Variants in DUSP8 observed in about 807,000 individuals in gnomAD.
DUSP8 encodes dual specificity phosphatase 8, also known as dual specificity protein phosphatase 8.
In DUSP8, 15 loss-of-function variants were observed where a neutral mutation model predicts 38.7. That is an observed-to-expected ratio of 0.39 (90% CI 0.26 to 0.60). The LOEUF (loss-of-function observed/expected upper bound fraction) is 0.60, where lower values mean the gene tolerates loss of function less well. DUSP8 is among the 20% of genes least tolerant of loss of function. The pLI is 0.56. For synonymous variants in DUSP8, 458 were observed against 433.9 expected (o/e 1.06, Z -0.69); for missense variants, 768 against 915.0 (o/e 0.84, Z 2.07).
Position 1,558,258 on chromosome 11 carries a change from T to C in DUSP8, c.551A>G (p.Gln184Arg). 8.1e-7 allele frequency: 1 copy of C among 1,235,758 alleles called. No homozygotes were observed. Among genetic ancestry groups the C allele is most frequent in the East Asian group, 5.0e-5 (1 of 20,120 alleles). 76.5% of individuals were successfully genotyped at this position (1,235,758 alleles called of 1,614,324 possible). A position where few individuals can be genotyped will look rare whatever the true frequency, so the allele number is the denominator to read the frequency against. ...GTTGAGGACGTAGCTTATTCCATTT[T>C]GCGTCATCAGATCCTGGAGGGGCGG... ...KDVLNKDLMT[Q>R]NGISYVLNAS... Residue 184 changes from glutamine to arginine, a missense_variant, in exon 5 of 7, where the codon CAA becomes CGA. By Grantham distance (43) the Gln-to-Arg change is conservative (BLOSUM62 1). Transcript: ENST00000397374. This position sits in a 1 kb window ranked among gnomAD's most constrained non-coding sequence, Gnocchi z 6.3.
Position 1,555,038 on chromosome 11 carries a change from C to T in DUSP8, c.*1480G>A, listed in dbSNP as rs1436552960. ...GATGGGCGCCTCCCTGGCCCTGCTC[C>T]AGGACTCAGGACTGGGTCCTGCCCT... is the stretch of plus-strand genomic sequence containing the variant. On this transcript the variant is annotated 3_prime_UTR_variant, in exon 7 of 7. Transcript: ENST00000397374. The T allele has an allele frequency of 2.0e-6, 2 of 986,126 alleles. No individual in the cohort carries two copies. The highest frequency in any genetic ancestry group is 1.1e-4 in the East Asian group (1 of 8,792). The allele number at this position is 986,126 out of a possible 1,614,324, so 61.1% of individuals were successfully genotyped here.
intron 3 of DUSP8, among the ~76,000 whole-genome samples, chr11:1,563,004 G>A (rs1280904626): frequency 6.6e-6 from 1 of 152,168 alleles, no homozygotes; most frequent in Non-Finnish European, 1.5e-5. Context: ...CAGGCTGGGT[G>A]AAGGTCCCTG....
chr11:1,560,367 C>T (rs1205216778), intron 3 of DUSP8, among the ~76,000 whole-genome samples: 1 of 152,144 alleles, frequency 6.6e-6, no homozygotes, highest in African/African-American at 2.4e-5. Flanking sequence ...CCTAGGGCTC[C>T]TCCTCTCTCC....
intron 1 of DUSP8, among the ~76,000 whole-genome samples, chr11:1,570,840 G>C (rs1185856149): frequency 6.6e-6 from 1 of 152,138 alleles, no homozygotes; most frequent in African/African-American, 2.4e-5. Context: ...CTCTGGGTGG[G>C]CTGTGCCAGA....
intron 1 of DUSP8, 141 bp downstream of exon 1, chr11:1,571,760 T>A (rs1848902399): frequency 1.3e-5 from 2 of 150,588 alleles, no homozygotes; most frequent in Admixed American, 1.3e-4. Context: ...GGCCGCTCAT[T>A]CCGGGGCCGC....
chr11:1,554,703 G>T lies in DUSP8; in HGVS notation c.*1815C>A. ...TGTCTCCCGGACAGCACAGGGGTGGGGGGCGAGAAGCGGGAAGCCAGTGCA... is the reference window on the plus strand; with the variant it reads ...TGTCTCCCGGACAGCACAGGGGTGGTGGGCGAGAAGCGGGAAGCCAGTGCA... On this transcript the variant is annotated 3_prime_UTR_variant, in exon 7 of 7. Coordinates refer to ENST00000397374, the MANE Select transcript of DUSP8 (RefSeq NM_004420.3). 1 of 821,380 alleles carries T rather than the reference G, an allele frequency of 1.2e-6. No individual in the cohort carries two copies. Among genetic ancestry groups the T allele is most frequent in the Non-Finnish European group, 1.5e-6 (1 of 678,092 alleles). The allele number at this position is 821,380 out of a possible 1,614,324, so 50.9% of individuals were successfully genotyped here.
At position 1,572,180 on chromosome 11, in the gene DUSP8, TCGGGC is replaced by T. The variant is rs1848914262; in HGVS notation, c.-393_-389del. ...CGCGGCCGGGAGGTTCCGGCGCGGC[TCGGGC>T]TCGGGCTCGGGCTCGGGCTCGGGCG... On this transcript the variant is annotated 5_prime_UTR_variant, in exon 1 of 7. Coordinates refer to ENST00000397374, the MANE Select transcript of DUSP8 (RefSeq NM_004420.3). The surrounding 1 kb of genome is among the most constrained non-coding windows in gnomAD (Gnocchi z 4.7). 7.1e-6 allele frequency among the ~76,000 whole-genome samples: 1 copy of T among 141,484 alleles called. No individual in the cohort carries two copies. Among genetic ancestry groups the T allele is most frequent in the Admixed American group, 7.0e-5 (1 of 14,312 alleles). The allele number at this position is 141,484 out of a possible 152,430, so 92.8% of individuals were successfully genotyped here. A position where few individuals can be genotyped will look rare whatever the true frequency, so the allele number is the denominator to read the frequency against.
chr11:1,556,911 C>T lies in DUSP8; in HGVS notation c.1485G>A (p.Gly495=). 2.8e-6 allele frequency: 3 copies of T among 1,083,236 alleles called. No individual in the cohort carries two copies. The highest frequency in any genetic ancestry group is 7.7e-5 in the South Asian group (2 of 25,934). The allele number at this position is 1,083,236 out of a possible 1,614,324, so 67.1% of individuals were successfully genotyped here. A position where few individuals can be genotyped will look rare whatever the true frequency, so the allele number is the denominator to read the frequency against. Residue 495 remains glycine, a synonymous_variant, in exon 7 of 7, where the codon GGG becomes GGA. Transcript: ENST00000397374. This position sits in a 1 kb window ranked among gnomAD's most constrained non-coding sequence, Gnocchi z 5.2. ...CGGCCGGCTGGCCAGGGCCGGGCAG[C>T]CCGGGCGCCGACAGGGCCGAGAGGC... ...RHGLSALSAP[G]LPGPGQPAGP...
At chr11:1,560,207 G>A (rs1382429566) in intron 3 of DUSP8, among the ~76,000 whole-genome samples, 1 of 152,168 alleles carries the variant, frequency 6.6e-6, no homozygotes. Flanking sequence ...CTGGGCTGAG[G>A]CCTGCCCTAT....
chr11:1,570,861 G>A (rs1337144244), intron 1 of DUSP8, among the ~76,000 whole-genome samples: 1 of 152,144 alleles, frequency 6.6e-6, no homozygotes, highest in African/African-American at 2.4e-5. Context: ...AGGGAGGCAA[G>A]GGAGAGTGCC....
chr11:1,560,788 G>GCCACC (rs1848706806), intron 3 of DUSP8, among the ~76,000 whole-genome samples: 1 of 152,144 alleles, frequency 6.6e-6, no homozygotes, highest in African/African-American at 2.4e-5. Flanking sequence ...AGACTCTTCT[G>GCCACC]CCACCTGCTG....
Position 1,555,028 on chromosome 11 carries a change from G to A in DUSP8, c.*1490C>T, listed in dbSNP as rs1848600663. On this transcript the variant is annotated 3_prime_UTR_variant, in exon 7 of 7. Transcript: ENST00000397374. The stretch of plus-strand genomic sequence containing the variant: ...GCTGGGGCGGGATGGGCGCCTCCCT[G>A]GCCCTGCTCCAGGACTCAGGACTGG... 2.0e-6 allele frequency: 2 copies of A among 986,218 alleles called. No individual in the cohort carries two copies. Among genetic ancestry groups the A allele is most frequent in the East Asian group, 2.3e-4 (2 of 8,786 alleles). The allele number at this position is 986,218 out of a possible 1,614,324, so 61.1% of individuals were successfully genotyped here. A position where few individuals can be genotyped will look rare whatever the true frequency, so the allele number is the denominator to read the frequency against.
chr11:1,561,498 C>T (rs1043968968), intron 3 of DUSP8, among the ~76,000 whole-genome samples: 4 of 152,246 alleles, frequency 2.6e-5, no homozygotes, highest in African/African-American at 7.2e-5. Context: ...GACTGCGGGC[C>T]GCTGCTTAAA....
At chr11:1,566,858 G>A (rs1476254183) in intron 1 of DUSP8, among the ~76,000 whole-genome samples, 1 of 152,088 alleles carries the variant, frequency 6.6e-6, no homozygotes, top group Non-Finnish European at 1.5e-5. Flanking sequence ...GGTGGAGTAG[G>A]GATGTCTGAG....
At position 1,559,068 on chromosome 11, in the gene DUSP8, G is replaced by A. The variant is rs535280604; in HGVS notation, c.371-13C>T. ...GTGGCGAAGCCCCCTGTAGGAGGAG[G>A]GCCGTCAAGTGGGTTGAGAGAACAC... On this transcript the variant is annotated splice_polypyrimidine_tract_variant and intron_variant, in intron 3 of 6. Coordinates refer to ENST00000397374, the MANE Select transcript of DUSP8 (RefSeq NM_004420.3). 3.1e-6 allele frequency: 5 copies of A among 1,607,142 alleles called. No homozygotes were observed. The South Asian group carries it at 3.3e-5, about 11-fold the overall frequency.
At chr11:1,567,005 C>T (rs1301167619) in intron 1 of DUSP8, among the ~76,000 whole-genome samples, 5 of 152,126 alleles carry the variant, frequency 3.3e-5, no homozygotes, top group Non-Finnish European at 7.4e-5. Flanking sequence ...CCCTAGGAGG[C>T]GCATAGTGTT....
intron 3 of DUSP8, among the ~76,000 whole-genome samples, chr11:1,562,025 G>T (rs537137033): frequency 1.3e-5 from 2 of 152,344 alleles, no homozygotes; most frequent in South Asian, 4.1e-4. Context: ...ACCTTGCAGG[G>T]CAGATGTCAG....
intron 3 of DUSP8, among the ~76,000 whole-genome samples, chr11:1,560,008 T>G (rs1442344062): frequency 1.3e-5 from 2 of 152,174 alleles, no homozygotes; most frequent in South Asian, 2.1e-4. Context: ...ATGGTGAGAA[T>G]GGACCTGGCC....
chr11:1,557,962 C>T lies in DUSP8; in HGVS notation c.698-45G>A, dbSNP rs781278349. The T allele has an allele frequency of 6.8e-6, 11 of 1,612,396 alleles. No homozygotes were observed. Among genetic ancestry groups the T allele is most frequent in the Middle Eastern group, 3.3e-4 (2 of 6,022 alleles). On this transcript the variant is annotated intron_variant, in intron 5 of 6. Transcript: ENST00000397374. This position sits in a 1 kb window ranked among gnomAD's most constrained non-coding sequence, Gnocchi z 9.9. ...GGGCCAGGTGAGGGCTAAGACTGCA[C>T]AGCTTCTCCCTGGCCCAGGTAGGGG...
Sources: allele counts gnomAD v4.1 joint callset (sites outside exome capture counted in the v4.1 genomes callset), GRCh38; gene constraint gnomAD v4.1.1; non-coding constraint Gnocchi (gnomAD v3.1); transcripts MANE v1.5; gene names NCBI Gene and HGNC (gene_info 2026-07-23, HGNC 2026-07-21).